Variants in PDGFB observed in about 807,000 individuals in gnomAD.
The protein encoded by PDGFB is platelet-derived growth factor subunit B.
In PDGFB, 6 loss-of-function variants were observed where a neutral mutation model predicts 29.0. The observed-to-expected ratio is 0.21, with a 90% CI of 0.11 to 0.41. PDGFB has a LOEUF of 0.41. Ranked by LOEUF, PDGFB falls within the 10% of genes least tolerant of loss-of-function variation. The pLI is 1.00. For synonymous variants in PDGFB, 144 were observed against 140.8 expected (o/e 1.02, Z -0.16); for missense variants, 299 against 341.8 (o/e 0.87, Z 0.99).
At chr22:39,239,507 G>A (rs964008920) in intron 1 of PDGFB, among the ~76,000 whole-genome samples, 4 of 152,166 alleles carry the variant, frequency 2.6e-5, no homozygotes, top group African/African-American at 9.7e-5. Flanking sequence ...GCTCTTCTTG[G>A]TATGGGAAGG....
In PDGFB at chr22:39,244,072, C is replaced by T; in HGVS notation, c.-109G>A. ...GGGGGGTGGGCTCGGCTCGGGTCCG[C>T]GGCGATCAGGCGCTCAGGCCTCTGC... On this transcript the variant is annotated 5_prime_UTR_variant, in exon 1 of 7. Coordinates refer to ENST00000331163, the MANE Select transcript of PDGFB (RefSeq NM_002608.4). The surrounding 1 kb of genome is among the most constrained non-coding windows in gnomAD (Gnocchi z 4.5). 2 of 569,304 alleles carry T rather than the reference C, an allele frequency of 3.5e-6. No homozygotes were observed. Among genetic ancestry groups the T allele is most frequent in the Non-Finnish European group, 2.7e-6 (1 of 363,914 alleles). 35.3% of individuals were successfully genotyped at this position (569,304 alleles called of 1,614,324 possible).
intron 1 of PDGFB, among the ~76,000 whole-genome samples, chr22:39,239,129 A>G (rs1249815854): frequency 1.3e-5 from 2 of 152,210 alleles, no homozygotes; most frequent in East Asian, 3.8e-4. Flanking sequence ...CAGAGCTGCC[A>G]GCAGATAATG....
At chr22:39,233,831 G>A (rs1281498268) in intron 2 of PDGFB, among the ~76,000 whole-genome samples, 4 of 152,162 alleles carry the variant, frequency 2.6e-5, no homozygotes, top group African/African-American at 4.8e-5. Flanking sequence ...AACCCTCCTC[G>A]GCCTCCAGGG....
At position 39,224,656 on chromosome 22, in the gene PDGFB, A is replaced by G. The variant is rs559663878; in HGVS notation, c.*686T>C. On this transcript the variant is annotated 3_prime_UTR_variant, in exon 7 of 7. Transcript: ENST00000331163. ...CACCATCTACAGCCACCTCAACAGC[A>G]AACTCCATCTCTAACCCACCTGAGA... 1 of 152,452 alleles carries G rather than the reference A, an allele frequency of 6.6e-6. No homozygotes were observed. The highest frequency in any genetic ancestry group is 1.9e-4 in the East Asian group (1 of 5,280). 9.4% of individuals were successfully genotyped at this position (152,452 alleles called of 1,614,324 possible).
At chr22:39,228,041 C>A (rs748446323) in intron 5 of PDGFB, among the ~76,000 whole-genome samples, 1 of 152,184 alleles carries the variant, frequency 6.6e-6, no homozygotes, top group Non-Finnish European at 1.5e-5. Flanking sequence ...CACAAGGTCA[C>A]CACACAGCTC....
intron 1 of PDGFB, among the ~76,000 whole-genome samples, chr22:39,238,688 C>T (rs930739421): frequency 6.6e-6 from 1 of 152,260 alleles, no homozygotes; most frequent in African/African-American, 2.4e-5. Flanking sequence ...CACCATGGGG[C>T]GTCTCAGCCT....
chr22:39,240,475 A>G (rs1932541119), intron 1 of PDGFB, among the ~76,000 whole-genome samples: 1 of 151,444 alleles, frequency 6.6e-6, no homozygotes. Flanking sequence ...CCCAAGACAG[A>G]GGAGAGACAG....
At chr22:39,239,883 C>T (rs1450375105) in intron 1 of PDGFB, among the ~76,000 whole-genome samples, 7 of 152,162 alleles carry the variant, frequency 4.6e-5, no homozygotes, top group Non-Finnish European at 1.5e-5. Flanking sequence ...ACTCCCCGGC[C>T]CGCCTGCCAT....
chr22:39,232,369 C>A (rs1932330364), intron 3 of PDGFB, among the ~76,000 whole-genome samples: 1 of 152,192 alleles, frequency 6.6e-6, no homozygotes, highest in Non-Finnish European at 1.5e-5. Flanking sequence ...AGTGAGTAAG[C>A]CTTGCCTACA....
chr22:39,228,328 C>T (rs929113603), intron 5 of PDGFB, among the ~76,000 whole-genome samples: 2 of 152,220 alleles, frequency 1.3e-5, no homozygotes, highest in Non-Finnish European at 2.9e-5. Flanking sequence ...TGGCTCAATG[C>T]CTGTAATCCC....
intron 1 of PDGFB, among the ~76,000 whole-genome samples, chr22:39,238,395 C>T (rs1008859961): frequency 2.0e-5 from 3 of 151,992 alleles, no homozygotes; most frequent in Non-Finnish European, 4.4e-5. Context: ...CCTGAAGATG[C>T]TTTTGGTAAT....
At chr22:39,225,895 G>A in intron 5 of PDGFB, 48 bp from the exon 6 acceptor site, 1 of 1,577,672 alleles carries the variant, frequency 6.3e-7, no homozygotes. Flanking sequence ...CCATTGGGGA[G>A]GTCTCTCCCC....
At chr22:39,232,270 G>A (rs1932327743) in intron 3 of PDGFB, among the ~76,000 whole-genome samples, 1 of 152,208 alleles carries the variant, frequency 6.6e-6, no homozygotes, top group Admixed American at 6.5e-5. Context: ...TTGGATTCCT[G>A]CATCACTGCT....
In PDGFB at chr22:39,244,915, A is replaced by G. The variant is rs1254913071; in HGVS notation, c.-952T>C. On this transcript the variant is annotated 5_prime_UTR_variant, in exon 1 of 7. Transcript: ENST00000331163. The surrounding 1 kb of genome is among the most constrained non-coding windows in gnomAD (Gnocchi z 4.5). ...GGCCGGAGGGGAGCCCTAGGGAGGC[A>G]GCGGGGGAGGCTGCGGGTGCGCAGG... Among the ~76,000 whole-genome samples, 13 of 151,362 alleles carry G rather than the reference A, an allele frequency of 8.6e-5. No individual in the cohort carries two copies. The highest frequency in any genetic ancestry group is 3.2e-4 in the African/African-American group (13 of 41,210).
At chr22:39,241,026 G>A in intron 1 of PDGFB, 5 of 829,446 alleles carry the variant, frequency 6.0e-6, no homozygotes. Flanking sequence ...CAGGGCTCTG[G>A]GATTCCAGCA....
chr22:39,235,657 G>C lies in PDGFB; in HGVS notation c.160+121C>G, dbSNP rs1932423140. 32 of 707,678 alleles carry C rather than the reference G, an allele frequency of 4.5e-5. 3 individuals are homozygous for C. The South Asian group carries it at 5.7e-4, about 13-fold the overall frequency. 43.8% of individuals were successfully genotyped at this position (707,678 alleles called of 1,614,324 possible). A position where few individuals can be genotyped will look rare whatever the true frequency, so the allele number is the denominator to read the frequency against. On this transcript the variant is annotated intron_variant, in intron 2 of 6. Transcript: ENST00000331163. ...GATGGGTGTGGCCACGCTCTCTCTGGGCTGCCATGGGCCTCTAGTTCTCCA... is the reference window on the plus strand; with the variant it reads ...GATGGGTGTGGCCACGCTCTCTCTGCGCTGCCATGGGCCTCTAGTTCTCCA...
rs1932593131 is a variant in PDGFB at position 39,242,583 on chromosome 22, G to A, written c.63+1318C>T. On this transcript the variant is annotated intron_variant, in intron 1 of 6. Transcript: ENST00000331163. The surrounding 1 kb of genome is among the most constrained non-coding windows in gnomAD (Gnocchi z 5.7). ...GCGGGGGGCGGCCGCGGAAGGGCGGGGCCCCCGGGCGGGCGGCCTGCGGCC... is the reference window on the plus strand; with the variant it reads ...GCGGGGGGCGGCCGCGGAAGGGCGGAGCCCCCGGGCGGGCGGCCTGCGGCC... Among the ~76,000 whole-genome samples, 1 of 151,190 alleles carries A rather than the reference G, an allele frequency of 6.6e-6. No individual in the cohort carries two copies. The highest frequency in any genetic ancestry group is 6.6e-5 in the Admixed American group (1 of 15,188).
At chr22:39,227,019 C>A (rs143763142) in intron 5 of PDGFB, among the ~76,000 whole-genome samples, 1 of 152,236 alleles carries the variant, frequency 6.6e-6, no homozygotes, top group Non-Finnish European at 1.5e-5. Flanking sequence ...AGTGCAGTGG[C>A]GCGATCTCAG....
intron 2 of PDGFB, among the ~76,000 whole-genome samples, chr22:39,234,561 G>T (rs1932394569): frequency 3.3e-5 from 5 of 152,204 alleles, no homozygotes; most frequent in Admixed American, 2.6e-4. Context: ...GTCCGTCCCG[G>T]GTACTGCAGG....
Sources: allele counts gnomAD v4.1 joint callset (sites outside exome capture counted in the v4.1 genomes callset), GRCh38; gene constraint gnomAD v4.1.1; non-coding constraint Gnocchi (gnomAD v3.1); transcripts MANE v1.5; gene names NCBI Gene and HGNC (gene_info 2026-07-23, HGNC 2026-07-21).